The following MIPOL1 variants were observed in gnomAD, a reference collection of about 807,000 sequenced individuals.
MIPOL1 encodes the protein mirror-image polydactyly gene 1 protein.
Under a neutral mutation model 60.9 loss-of-function variants are expected in MIPOL1, and 57 were observed. That is an observed-to-expected ratio of 0.94 (90% CI 0.76 to 1.17). The LOEUF (loss-of-function observed/expected upper bound fraction) is 1.17. Among genes scored for constraint, MIPOL1 ranks in the 50% most tolerant of loss-of-function variants. The pLI, the probability that MIPOL1 is intolerant of heterozygous loss-of-function variation, is 0.00. For missense variants in MIPOL1, 551 were observed against 511.6 expected, an observed-to-expected ratio of 1.08 and a Z score of -0.74; for synonymous variants, 179 against 168.8, an observed-to-expected ratio of 1.06 and a Z score of -0.47.
At chr14:37,287,780 A>G (rs933404404) in intron 7 of MIPOL1, among the ~76,000 whole-genome samples, 3 of 152,012 alleles carry the variant, frequency 2.0e-5, no homozygotes, top group Admixed American at 1.3e-4. Context: ...TTTTTCTTTT[A>G]TTTAATCTAT....
intron 12 of MIPOL1, among the ~76,000 whole-genome samples, chr14:37,534,744 G>A (rs529168147): frequency 1.3e-5 from 2 of 152,218 alleles, no homozygotes; most frequent in African/African-American, 4.8e-5. Flanking sequence ...AATGTTGTTA[G>A]GGGATTAAGC....
chr14:37,364,778 A>C (rs961478776), intron 9 of MIPOL1, among the ~76,000 whole-genome samples: 1 of 152,194 alleles, frequency 6.6e-6, no homozygotes, highest in Non-Finnish European at 1.5e-5. Flanking sequence ...TGTTATTTTG[A>C]TAGAGATTGC....
chr14:37,372,908 T>C (rs11356072), intron 10 of MIPOL1, among the ~76,000 whole-genome samples: 3 of 115,844 alleles, frequency 2.6e-5, no homozygotes, highest in African/African-American at 9.5e-5. Flanking sequence ...TACTTTTTTT[T>C]AAAAAACAGC....
intron 9 of MIPOL1, among the ~76,000 whole-genome samples, chr14:37,315,755 C>G (rs1264745285): frequency 1.3e-5 from 2 of 151,978 alleles, no homozygotes; most frequent in Non-Finnish European, 2.9e-5. Flanking sequence ...CTTAAAAATT[C>G]AAGGAGAATT....
intron 9 of MIPOL1, among the ~76,000 whole-genome samples, chr14:37,355,736 G>A (rs1472376196): frequency 3.4e-5 from 5 of 147,234 alleles, no homozygotes; most frequent in Non-Finnish European, 7.5e-5. Context: ...TGTAGTTCTC[G>A]AGCCTTGGTT....
At chr14:37,388,264 T>C (rs1463731390) in intron 10 of MIPOL1, among the ~76,000 whole-genome samples, 1 of 152,068 alleles carries the variant, frequency 6.6e-6, no homozygotes, top group Non-Finnish European at 1.5e-5. Flanking sequence ...GCCTTTTTGT[T>C]TCAACTGTTA....
intron 11 of MIPOL1, chr14:37,423,454 G>A (rs1227838434): frequency 1.3e-5 from 2 of 151,604 alleles, no homozygotes; most frequent in Admixed American, 1.3e-4. Flanking sequence ...AATAAGGTAG[G>A]TATTTTTTAA....
chr14:37,520,817 G>C (rs566866101), intron 12 of MIPOL1, among the ~76,000 whole-genome samples: 13 of 150,258 alleles, frequency 8.7e-5, no homozygotes, highest in African/African-American at 2.9e-4. Context: ...GAAATATTAA[G>C]TTGGGTTTAG....
intron 9 of MIPOL1, among the ~76,000 whole-genome samples, chr14:37,362,292 T>TA (rs1383832363): frequency 6.6e-6 from 1 of 152,190 alleles, no homozygotes; most frequent in African/African-American, 2.4e-5. Flanking sequence ...GGAGCTCTTG[T>TA]AAGGCAGGCC....
At chr14:37,285,096 C>G (rs904848156) in intron 6 of MIPOL1, among the ~76,000 whole-genome samples, 2 of 152,100 alleles carry the variant, frequency 1.3e-5, no homozygotes, top group Admixed American at 6.6e-5. Context: ...ATTATCAGAC[C>G]TTTAAATTTT....
intron 11 of MIPOL1, among the ~76,000 whole-genome samples, chr14:37,427,590 C>T (rs2093987420): frequency 6.6e-6 from 1 of 151,992 alleles, no homozygotes; most frequent in Non-Finnish European, 1.5e-5. Flanking sequence ...TTTTACCACA[C>T]ATTTTTTTAA....
chr14:37,238,397 C>A (rs950525234), intron 1 of MIPOL1, among the ~76,000 whole-genome samples: 2 of 152,058 alleles, frequency 1.3e-5, no homozygotes, highest in African/African-American at 4.8e-5. Context: ...CCCATTCTCA[C>A]CCCAGGATAA....
chr14:37,285,552 C>A, intron 7 of MIPOL1, 105 bp downstream of exon 7: 1 of 1,116,106 alleles, frequency 9.0e-7, no homozygotes, highest in Non-Finnish European at 1.3e-6. Flanking sequence ...TTATGTGTTA[C>A]ACTAGGAAAT....
chr14:37,202,209 A>T (rs1965449198), intron 1 of MIPOL1, among the ~76,000 whole-genome samples: 1 of 152,146 alleles, frequency 6.6e-6, no homozygotes, highest in Admixed American at 6.6e-5. Flanking sequence ...GAAGGGTGTG[A>T]GGGTAATTTC....
chr14:37,487,758 A>G (rs977845835), intron 11 of MIPOL1, among the ~76,000 whole-genome samples: 2 of 151,792 alleles, frequency 1.3e-5, no homozygotes, highest in Admixed American at 6.6e-5. Flanking sequence ...CTAGCGGTCT[A>G]TTTTGTTCAT....
intron 8 of MIPOL1, 104 bp from the exon 9 acceptor site, chr14:37,308,245 C>A: frequency 2.5e-6 from 3 of 1,199,832 alleles, no homozygotes; most frequent in Non-Finnish European, 3.5e-6. Context: ...TCAATAACTT[C>A]ACTCAGTCAA....
intron 12 of MIPOL1, among the ~76,000 whole-genome samples, chr14:37,516,200 G>C (rs1372449130): frequency 6.6e-6 from 1 of 152,188 alleles, no homozygotes; most frequent in African/African-American, 2.4e-5. Context: ...TAAAGATGTG[G>C]TGTTCATTTT....
At chr14:37,456,817 G>T (rs895794672) in intron 11 of MIPOL1, among the ~76,000 whole-genome samples, 1 of 151,838 alleles carries the variant, frequency 6.6e-6, no homozygotes, top group Admixed American at 6.6e-5. Context: ...TATGAAAAAA[G>T]CTCATTGTAA....
At chr14:37,242,055 A>G (rs557096997) in intron 1 of MIPOL1, among the ~76,000 whole-genome samples, 12 of 152,058 alleles carry the variant, frequency 7.9e-5, no homozygotes, top group Admixed American at 3.3e-4. Flanking sequence ...GGGTGTCATG[A>G]AGATCACTGT....
Sources: allele counts gnomAD v4.1 joint callset (sites outside exome capture counted in the v4.1 genomes callset), GRCh38; gene constraint gnomAD v4.1.1; transcripts MANE v1.5; gene names NCBI Gene and HGNC (gene_info 2026-07-23, HGNC 2026-07-21).